Variants in ACTMAP observed in about 807,000 individuals in gnomAD.
The protein encoded by ACTMAP is actin maturation protease.
the ACTMAP span, among the ~76,000 whole-genome samples, chr19:40,746,442 C>G: frequency 6.6e-6 from 1 of 151,870 alleles, no homozygotes; most frequent in Admixed American, 6.6e-5. Context: ...GTGGCCCGAT[C>G]TTGGCTCACT....
chr19:40,749,479 A>G, the ACTMAP span: 1 of 1,541,516 alleles, frequency 6.5e-7, no homozygotes, highest in Non-Finnish European at 8.8e-7. Flanking sequence ...TGGAGACCCT[A>G]CCGGTCCTTG....
At chr19:40,744,019 C>T in the ACTMAP span, 1 of 1,613,976 alleles carries the variant, frequency 6.2e-7, no homozygotes. Context: ...GGCCCTGGGA[C>T]CCACCCTTTG....
the ACTMAP span, among the ~76,000 whole-genome samples, chr19:40,746,386 AGTTTTTGTTTTT>A: frequency 2.0e-5 from 3 of 150,684 alleles, no homozygotes; most frequent in South Asian, 6.3e-4. Context: ...TGCCTGGCTA[AGTTTTTGTTTTT>A]GTTTTTGTTT....
At chr19:40,742,903 G>C in the ACTMAP span, 1 of 867,382 alleles carries the variant, frequency 1.2e-6, no homozygotes, top group East Asian at 2.7e-5. Context: ...TGACGTTAGT[G>C]GTGGCCAGTG....
chr19:40,745,871 C>G, the ACTMAP span, among the ~76,000 whole-genome samples: 1 of 152,080 alleles, frequency 6.6e-6, no homozygotes, highest in Non-Finnish European at 1.5e-5. Context: ...GGGGTTTCAC[C>G]ATGTTGGCCA....
At chr19:40,743,756 G>C in the ACTMAP span, 1 of 952,964 alleles carries the variant, frequency 1.0e-6, no homozygotes, top group Admixed American at 2.5e-5. Context: ...CCAACTGGCA[G>C]ACACCTGGGG....
chr19:40,742,678 A>G, the ACTMAP span: 117 of 1,613,142 alleles, frequency 7.3e-5, 2 homozygotes, highest in Admixed American at 2.0e-4. Flanking sequence ...GGTGGTTGGC[A>G]GGGCGTGCCC....
At chr19:40,749,735 G>A in the ACTMAP span, 1 of 1,506,356 alleles carries the variant, frequency 6.6e-7, no homozygotes. Context: ...GAATGCTGCT[G>A]GCTTGGGGTA....
chr19:40,743,243 T>C, the ACTMAP span, among the ~76,000 whole-genome samples: 130 of 151,822 alleles, frequency 8.6e-4, no homozygotes, highest in African/African-American at 3.0e-3. Context: ...TATTTTTTTT[T>C]TTTTTTTGAG....
the ACTMAP span, chr19:40,744,824 A>C: frequency 7.6e-7 from 1 of 1,307,270 alleles, no homozygotes; most frequent in Non-Finnish European, 1.0e-6. Context: ...ACTCCCCTTC[A>C]GGGGAGAGCC....
At chr19:40,744,253 G>T in the ACTMAP span, 1 of 1,487,790 alleles carries the variant, frequency 6.7e-7, no homozygotes. Flanking sequence ...ACCGTGCTGA[G>T]GGCTCACAGT....
chr19:40,742,753 G>C, the ACTMAP span: 2 of 1,608,608 alleles, frequency 1.2e-6, no homozygotes, highest in Non-Finnish European at 1.7e-6. Context: ...GGCACAGCCC[G>C]AACACCCAGC....
At chr19:40,745,171 G>A in the ACTMAP span, 1 of 1,551,884 alleles carries the variant, frequency 6.4e-7, no homozygotes, top group South Asian at 1.2e-5. Flanking sequence ...CTGCACAGAA[G>A]AGGATCCACC....
the ACTMAP span, among the ~76,000 whole-genome samples, chr19:40,748,397 A>C: frequency 6.6e-6 from 1 of 151,978 alleles, no homozygotes; most frequent in Non-Finnish European, 1.5e-5. Context: ...AGTGTCTGGA[A>C]AGCTTGGAGT....
the ACTMAP span, chr19:40,741,607 C>A: frequency 2.5e-6 from 1 of 401,398 alleles, no homozygotes; most frequent in Non-Finnish European, 5.1e-6. Context: ...TATAAGTGGA[C>A]AGGAAAGTTT....
the ACTMAP span, chr19:40,744,089 T>G: frequency 6.2e-7 from 1 of 1,613,724 alleles, no homozygotes; most frequent in Admixed American, 1.7e-5. Context: ...GGATGTCCAG[T>G]GACCAGGTGC....
chr19:40,740,916 G>T, the ACTMAP span: 22 of 398,566 alleles, frequency 5.5e-5, no homozygotes, highest in East Asian at 7.1e-4. Flanking sequence ...TGGGCTGGGT[G>T]GGGTAACAGG....
At chr19:40,741,333 C>CT in the ACTMAP span, 21 of 212,884 alleles carry the variant, frequency 9.9e-5, no homozygotes, top group African/African-American at 4.8e-4. Flanking sequence ...ATCCCAGTTA[C>CT]TTGGGGGGCT....
the ACTMAP span, chr19:40,740,955 C>A: frequency 4.3e-5 from 17 of 398,684 alleles, no homozygotes; most frequent in East Asian, 5.7e-4. Context: ...AAGAGGCAGG[C>A]TCCAAGCAGG....
Sources: allele counts gnomAD v4.1 joint callset (sites outside exome capture counted in the v4.1 genomes callset), GRCh38; gene constraint gnomAD v4.1.1; transcripts MANE v1.5; gene names NCBI Gene and HGNC (gene_info 2026-07-23, HGNC 2026-07-21).